The following SYNE1 variants were observed in gnomAD, a reference collection of about 807,000 sequenced individuals.
The protein encoded by SYNE1 is nesprin-1.
In SYNE1, 616 loss-of-function variants were observed where a neutral mutation model predicts 1,111.0. The observed-to-expected ratio is 0.55, with a 90% CI of 0.52 to 0.59. The LOEUF (loss-of-function observed/expected upper bound fraction) is 0.59, where lower values mean the gene tolerates loss of function less well. SYNE1 is among the 20% of genes least tolerant of loss of function. The probability of loss-of-function intolerance (pLI) is 0.00; values close to 1 mark genes in which losing one functional copy is unlikely to be tolerated. For synonymous variants in SYNE1, 3,855 were observed against 3,825.8 expected (o/e 1.01, Z -0.28); for missense variants, 10,006 against 10,417.0 (o/e 0.96, Z 1.72).
intron 11 of SYNE1, among the ~76,000 whole-genome samples, chr6:152,497,340 C>T (rs1039608721): frequency 6.6e-6 from 1 of 152,196 alleles, no homozygotes; most frequent in African/African-American, 2.4e-5. Context: ...GATGTCTTTT[C>T]TGAATGAACA....
rs1332554857 is a variant in SYNE1 at position 152,310,843 on chromosome 6, T to G, written c.16741A>C (p.Ser5581Arg). 1 of 1,613,954 alleles carries G rather than the reference T, an allele frequency of 6.2e-7. No individual in the cohort carries two copies. The highest frequency in any genetic ancestry group is 8.5e-7 in the Non-Finnish European group (1 of 1,180,006). The change falls in exon 88 of 146, where the codon AGT becomes CGT. Residue 5581 changes from serine (S) to arginine (R), a missense_variant. Around this residue, in one of 7 missense-constraint regions of SYNE1, gnomAD observed 4,955 missense variants for 5,017.2 expected, o/e 0.99. Coordinates refer to ENST00000367255, the MANE Select transcript of SYNE1 (RefSeq NM_182961.4). ...TTCTCAGTCATTGCTTCCAGCTCAC[T>G]GTCAATTTCTTTGGATTCTTCTAGC... ...TLLEESKEID[S>R]ELEAMTEKLQ...
intron 98 of SYNE1, among the ~76,000 whole-genome samples, chr6:152,275,049 G>A (rs1292123973): frequency 6.6e-6 from 1 of 152,094 alleles, no homozygotes; most frequent in Admixed American, 6.5e-5. Context: ...TGGGACCACA[G>A]GCGTGTGCCA....
At chr6:152,189,454 T>C (rs776776125) in intron 127 of SYNE1, 47 bp from the exon 128 acceptor site, 1 of 1,596,888 alleles carries the variant, frequency 6.3e-7, no homozygotes, top group East Asian at 2.2e-5. Context: ...CTCCTGCCAA[T>C]GATTTCTGAA....
chr6:152,526,322 C>T, intron 4 of SYNE1, 147 bp from the exon 5 acceptor site: 2 of 789,298 alleles, frequency 2.5e-6, no homozygotes, highest in Non-Finnish European at 4.2e-6. Flanking sequence ...ATTGAGTTGC[C>T]AATTGCCTTT....
intron 74 of SYNE1, among the ~76,000 whole-genome samples, chr6:152,341,504 A>G (rs2096533045): frequency 6.6e-6 from 1 of 152,218 alleles, no homozygotes; most frequent in Non-Finnish European, 1.5e-5. Flanking sequence ...TTCTAAAAAC[A>G]TATAGCACTC....
chr6:152,508,113 T>A (rs2099067706), intron 8 of SYNE1, among the ~76,000 whole-genome samples: 1 of 152,200 alleles, frequency 6.6e-6, no homozygotes, highest in Non-Finnish European at 1.5e-5. Flanking sequence ...CTTTTACACA[T>A]GTTAGATAAT....
intron 4 of SYNE1, among the ~76,000 whole-genome samples, chr6:152,529,541 A>G (rs558073221): frequency 6.6e-6 from 1 of 152,334 alleles, no homozygotes; most frequent in Admixed American, 6.5e-5. Flanking sequence ...GGGGGCTCCC[A>G]AGAACACTTT....
intron 107 of SYNE1, among the ~76,000 whole-genome samples, chr6:152,240,012 C>T (rs1344398173): frequency 2.6e-5 from 4 of 152,166 alleles, no homozygotes; most frequent in Non-Finnish European, 5.9e-5. Context: ...GAGCCAAGAT[C>T]GTGCCACTGC....
intron 77 of SYNE1, among the ~76,000 whole-genome samples, chr6:152,332,872 T>A (rs544095131): frequency 3.9e-5 from 6 of 152,334 alleles, no homozygotes; most frequent in Non-Finnish European, 7.3e-5. Context: ...AAAGCAGGGT[T>A]GGGAGGCAGT....
At chr6:152,434,020 C>T in intron 33 of SYNE1, 75 bp from the exon 34 acceptor site, 1 of 1,321,970 alleles carries the variant, frequency 7.6e-7, no homozygotes, top group Non-Finnish European at 1.1e-6. Flanking sequence ...CTTGAAATCA[C>T]CAGGTGAAGA....
At chr6:152,201,332 G>A (rs2075378335) in intron 127 of SYNE1, among the ~76,000 whole-genome samples, 22 of 152,070 alleles carry the variant, frequency 1.4e-4, no homozygotes. Context: ...AGTACTTAGA[G>A]CCCTGAGCAA....
chr6:152,325,063 C>G, intron 81 of SYNE1, 21 bp downstream of exon 81: 2 of 1,611,840 alleles, frequency 1.2e-6, no homozygotes, highest in Non-Finnish European at 1.7e-6. Flanking sequence ...GAAAGGTGAG[C>G]CCATGGACAG....
chr6:152,221,658 A>T (rs182563603), intron 117 of SYNE1, 99 bp from the exon 118 acceptor site: 1 of 1,477,220 alleles, frequency 6.8e-7, no homozygotes, highest in African/African-American at 1.4e-5. Context: ...ATATGTACAT[A>T]TACTTGTATA....
chr6:152,286,917 G>T (rs940422208), intron 95 of SYNE1, among the ~76,000 whole-genome samples: 11 of 152,206 alleles, frequency 7.2e-5, no homozygotes, highest in Non-Finnish European at 1.5e-4. Flanking sequence ...GTCATAAATA[G>T]AATACATTCG....
intron 3 of SYNE1, among the ~76,000 whole-genome samples, chr6:152,544,531 G>A (rs565728849): frequency 3.4e-5 from 5 of 147,408 alleles, no homozygotes; most frequent in East Asian, 4.1e-4. Context: ...GTATCCCTCC[G>A]TAGAAATGAG....
In SYNE1 at chr6:152,308,649, A is replaced by G. The variant is rs771612965; in HGVS notation, c.17203-17T>C. On this transcript the variant is annotated splice_polypyrimidine_tract_variant and intron_variant, in intron 90 of 145. Transcript: ENST00000367255. ...CACAGCTTCCTTTGAAAAAAAAAAAAAACAGAAAGATAGACAGTTTTTTTT... is the reference window on the plus strand; with the variant it reads ...CACAGCTTCCTTTGAAAAAAAAAAAGAACAGAAAGATAGACAGTTTTTTTT... The G allele has an allele frequency of 6.3e-7, 1 of 1,590,208 alleles. No individual in the cohort carries two copies. Among genetic ancestry groups the G allele is most frequent in the Admixed American group, 1.8e-5 (1 of 54,514 alleles).
At chr6:152,481,047 C>A in intron 14 of SYNE1, 1 of 307,000 alleles carries the variant, frequency 3.3e-6, no homozygotes, top group South Asian at 2.9e-5. Flanking sequence ...ATAGCATGTG[C>A]ATTGGCCAAC....
intron 129 of SYNE1, among the ~76,000 whole-genome samples, chr6:152,178,311 A>T (rs961609432): frequency 6.6e-6 from 1 of 152,156 alleles, no homozygotes; most frequent in African/African-American, 2.4e-5. Context: ...TTACTCTACT[A>T]CCTATAGTGC....
chr6:152,353,606 G>A lies in SYNE1; in HGVS notation c.11065C>T (p.Leu3689=). Residue 3689 remains leucine, a synonymous_variant, in exon 68 of 146, where the codon CTG becomes TTG. Coordinates refer to ENST00000367255, the MANE Select transcript of SYNE1 (RefSeq NM_182961.4). ...ATQLTSRYQA[L]LLQVLEQIKF... is the part of the protein sequence containing the mutation. ...CCACTCACCAGCACTTGGAGAAGCA[G>A]GGCCTGGTATCTGGAAGTCAGCTGG... The A allele has an allele frequency of 6.2e-7, 1 of 1,614,214 alleles. No individual in the cohort carries two copies. Among genetic ancestry groups the A allele is most frequent in the Non-Finnish European group, 8.5e-7 (1 of 1,180,044 alleles).
Sources: gnomAD v4.1 joint callset for allele counts (sites outside exome capture counted in the v4.1 genomes callset) on GRCh38, gnomAD v4.1.1 for gene constraint, gnomAD v4.1.1 regional missense constraint, MANE v1.5 for transcripts, NCBI Gene and HGNC (gene_info 2026-07-23, HGNC 2026-07-21) for gene names.